SLC46A2: variants seen among roughly 807,000 people sequenced by gnomAD.
SLC46A2 encodes solute carrier family 46 member 2.
A neutral mutation model predicts 33.1 loss-of-function variants in SLC46A2; 25 were observed. The ratio of observed to expected loss-of-function variants is 0.76; its 90% CI spans 0.55 to 1.06. SLC46A2 has a LOEUF of 1.06. Ranked by LOEUF, SLC46A2 falls within the 50% of genes least tolerant of loss-of-function variation. The pLI is 0.00. For missense variants in SLC46A2, 622 were observed against 621.7 expected (o/e 1.00, Z 0.00); for synonymous variants, 254 against 275.9 (o/e 0.92, Z 0.79).
Position 112,887,427 on chromosome 9 carries a change from C to G in SLC46A2, c.1130-14G>C. 1 of 1,597,116 alleles carries G rather than the reference C, an allele frequency of 6.3e-7. No homozygotes were observed. Among genetic ancestry groups the G allele is most frequent in the Non-Finnish European group, 8.5e-7 (1 of 1,173,478 alleles). On this transcript the variant is annotated splice_polypyrimidine_tract_variant and intron_variant, in intron 1 of 3. Transcript: ENST00000374228. ...TGACGGCTCGAGCTGAAAGAGATCA[C>G]ACAAGAACACTCCTTGCTGTAGCCC...
intron 1 of SLC46A2, among the ~76,000 whole-genome samples, chr9:112,887,839 A>G (rs539526495): frequency 6.6e-6 from 1 of 152,106 alleles, no homozygotes; most frequent in African/African-American, 2.4e-5. Context: ...TGCCTCCAGC[A>G]ATGTGTCCCA....
At chr9:112,885,762 A>AC (rs1443967394) in intron 3 of SLC46A2, 1 of 152,134 alleles carries the variant, frequency 6.6e-6, no homozygotes, top group African/African-American at 2.4e-5. Context: ...AATTAATTTC[A>AC]CCTGTCACTT....
chr9:112,883,398 GTC>G lies in SLC46A2; in HGVS notation c.1370+3060_1370+3061del, dbSNP rs369278126. Among the ~76,000 whole-genome samples, 31 of 152,214 alleles carry G rather than the reference GTC, an allele frequency of 2.0e-4. No homozygotes were observed. In the South Asian group the frequency reaches 6.4e-3, roughly 32 times the overall value. ...GACAGTCTGGCTTCCTTCAAATCCT[GTC>G]TCTGCCACTTCCTAGCTGTGTACCC... On this transcript the variant is annotated intron_variant, in intron 3 of 3. Coordinates refer to ENST00000374228, the MANE Select transcript of SLC46A2 (RefSeq NM_033051.4).
chr9:112,883,685 T>C (rs1841610487), intron 3 of SLC46A2, among the ~76,000 whole-genome samples: 1 of 133,364 alleles, frequency 7.5e-6, no homozygotes, highest in Non-Finnish European at 1.5e-5. Flanking sequence ...TTTCTGTTTT[T>C]TTCTTTTTTC....
chr9:112,890,241 G>C lies in SLC46A2; in HGVS notation c.441C>G (p.Gly147=). 6.2e-7 allele frequency: 1 copy of C among 1,613,070 alleles called. No individual in the cohort carries two copies. The highest frequency in any genetic ancestry group is 8.5e-7 in the Non-Finnish European group (1 of 1,179,886). The change falls in exon 1 of 4, where the codon GGC becomes GGG. Residue 147 remains glycine, a synonymous_variant. Transcript: ENST00000374228. The surrounding 1 kb of genome is among the most constrained non-coding windows in gnomAD (Gnocchi z 6.0). ...YGAAALNGLF[G]GFSAFWSGVM... ...CCCCGGACCAGAAGGCGGAGAAGCC[G>C]CCGAATAGCCCGTTCAGCGCCGCCG...
intron 3 of SLC46A2, among the ~76,000 whole-genome samples, chr9:112,881,883 T>C (rs1164830437): frequency 6.6e-6 from 1 of 152,040 alleles, no homozygotes; most frequent in Non-Finnish European, 1.5e-5. Context: ...TTGAGAAGGG[T>C]TAGGAAAATT....
chr9:112,889,781 C>CT lies in SLC46A2; in HGVS notation c.900dup (p.Val301SerfsTer157), dbSNP rs1485205318. Reference sequence around the variant, plus strand: ...AGCACAAAAAGAGGGATCACGTCCACTGTGCCCACCACCGCCAGGTCATAT... The same window carrying CT: ...AGCACAAAAAGAGGGATCACGTCCACTTGTGCCCACCACCGCCAGGTCATAT... On this transcript the variant is annotated frameshift_variant, in exon 1 of 4. Coordinates refer to ENST00000374228, the MANE Select transcript of SLC46A2 (RefSeq NM_033051.4). LOFTEE classifies it high-confidence loss of function. 3.1e-6 allele frequency: 5 copies of CT among 1,614,192 alleles called. No individual in the cohort carries two copies. In the Admixed American group the frequency reaches 8.3e-5, roughly 27 times the overall value.
chr9:112,889,919 T>C lies in SLC46A2; in HGVS notation c.763A>G (p.Thr255Ala), dbSNP rs761309006. The change falls in exon 1 of 4, where the codon ACT becomes GCT. Residue 255 changes from threonine (T) to alanine (A), a missense_variant. Physicochemically the swap from Thr to Ala is moderately conservative, Grantham distance 58. Coordinates refer to ENST00000374228, the MANE Select transcript of SLC46A2 (RefSeq NM_033051.4). Reference sequence around the variant, plus strand: ...TGGTCCAACTGATCAGGATCCAGAGTGCGGTATGTGCCAACCGTGCCAGAC... The same window carrying C: ...TGGTCCAACTGATCAGGATCCAGAGCGCGGTATGTGCCAACCGTGCCAGAC... ...TVSGTVGTYRTLDPDQLDQQY... is the reference protein window; with the variant it reads ...TVSGTVGTYRALDPDQLDQQY... 6.2e-7 allele frequency: 1 copy of C among 1,613,944 alleles called. No individual in the cohort carries two copies. The highest frequency in any genetic ancestry group is 1.3e-5 in the African/African-American group (1 of 74,862).
Position 112,890,569 on chromosome 9 carries a change from G to C in SLC46A2, c.113C>G (p.Ala38Gly), listed in dbSNP as rs528171072. The C allele has an allele frequency of 8.1e-6, 13 of 1,612,866 alleles. No individual in the cohort carries two copies. The African/African-American group carries it at 1.6e-4, about 20-fold the overall frequency. Residue 38 changes from alanine (A) to glycine (G), a missense_variant, in exon 1 of 4, where the codon GCG (alanine) becomes GGG (glycine). Transcript: ENST00000374228. This position sits in a 1 kb window ranked among gnomAD's most constrained non-coding sequence, Gnocchi z 6.0. ...SSQVAASLYD[A>G]GLLLVVKASY... is the part of the protein sequence containing the mutation. ...CGCCTTCACCACGAGGAGTAGCCCC[G>C]CATCGTAGAGGGAGGCAGCCACCTG...
intron 3 of SLC46A2, among the ~76,000 whole-genome samples, chr9:112,881,005 T>C (rs1841569637): frequency 6.6e-6 from 1 of 152,234 alleles, no homozygotes; most frequent in African/African-American, 2.4e-5. Flanking sequence ...CTCCCATCTA[T>C]ATCTCAAGAT....
Position 112,889,822 on chromosome 9 carries a change from AAG to A in SLC46A2, c.858_859del (p.Phe287CysfsTer7). The A allele has an allele frequency of 6.2e-7, 1 of 1,614,172 alleles. No individual in the cohort carries two copies. Among genetic ancestry groups the A allele is most frequent in the Non-Finnish European group, 8.5e-7 (1 of 1,180,028 alleles). ...CAGGTCATATATGATAGCACCCACA[AAG>A]AGCAAGGCAATGGTGGTTTTATGGG... On this transcript the variant is annotated frameshift_variant, in exon 1 of 4. Coordinates refer to ENST00000374228, the MANE Select transcript of SLC46A2 (RefSeq NM_033051.4). LOFTEE classifies it high-confidence loss of function.
intron 1 of SLC46A2, among the ~76,000 whole-genome samples, chr9:112,889,184 C>A (rs573132427): frequency 6.6e-6 from 1 of 152,024 alleles, no homozygotes; most frequent in Non-Finnish European, 1.5e-5. Context: ...CCTCTGCGCT[C>A]GGCCTTTGAA....
Position 112,890,561 on chromosome 9 carries a change from G to GT in SLC46A2, c.120dup (p.Leu41ThrfsTer137). 6.2e-7 allele frequency: 1 copy of GT among 1,613,320 alleles called. No homozygotes were observed. The highest frequency in any genetic ancestry group is 8.5e-7 in the Non-Finnish European group (1 of 1,180,012). On this transcript the variant is annotated frameshift_variant, in exon 1 of 4. Transcript: ENST00000374228. LOFTEE classifies it high-confidence loss of function. This position sits in a 1 kb window ranked among gnomAD's most constrained non-coding sequence, Gnocchi z 6.0. Reference sequence around the variant, plus strand: ...CCGTAGGACGCCTTCACCACGAGGAGTAGCCCCGCATCGTAGAGGGAGGCA... The same window carrying GT: ...CCGTAGGACGCCTTCACCACGAGGAGTTAGCCCCGCATCGTAGAGGGAGGCA...
At chr9:112,883,897 A>G (rs1183265779) in intron 3 of SLC46A2, among the ~76,000 whole-genome samples, 3 of 152,026 alleles carry the variant, frequency 2.0e-5, no homozygotes, top group Non-Finnish European at 4.4e-5. Flanking sequence ...TGGTTTCACT[A>G]TGTTGGCCAG....
At chr9:112,881,244 A>G (rs1200237589) in intron 3 of SLC46A2, among the ~76,000 whole-genome samples, 2 of 152,224 alleles carry the variant, frequency 1.3e-5, no homozygotes, top group Non-Finnish European at 1.5e-5. Flanking sequence ...TCTAAGCTAC[A>G]GCGCAGCACT....
In SLC46A2 at chr9:112,889,995, G is replaced by A. The variant is rs1479947414; in HGVS notation, c.687C>T (p.Val229=). Residue 229 remains valine (V), a synonymous_variant, in exon 1 of 4, where the codon GTC becomes GTT. Transcript: ENST00000374228. ...GGCTGGGTTTGGCCACCGACTCAGG[G>A]ACCTTTAGCACCAAAAGGCTGTAGA... The part of the protein sequence containing the change: ...ALLYSLLVLK[V]PESVAKPSQE... 4 of 1,614,028 alleles carry A rather than the reference G, an allele frequency of 2.5e-6. No individual in the cohort carries two copies. The African/African-American group carries it at 4.0e-5, about 16-fold the overall frequency.
rs111494276 is a variant in SLC46A2 at position 112,890,398 on chromosome 9, C to T, written c.284G>A (p.Gly95Glu). The change falls in exon 1 of 4, where the codon GGG becomes GAG. Residue 95 changes from glycine to glutamate, a missense_variant. Gly to Glu is a moderately conservative substitution (Grantham distance 98). Transcript: ENST00000374228. The surrounding 1 kb of genome is among the most constrained non-coding windows in gnomAD (Gnocchi z 6.0). Reference sequence around the variant, plus strand: ...GTAGCGGTCGCTGAGCCATCCCAGCCCGTAGGCGGACAGCAGGGGGGACAG... The same window carrying T: ...GTAGCGGTCGCTGAGCCATCCCAGCTCGTAGGCGGACAGCAGGGGGGACAG... ...VGLSPLLSAYGLGWLSDRYHR... is the reference protein window; with the variant it reads ...VGLSPLLSAYELGWLSDRYHR... 6 of 1,614,078 alleles carry T rather than the reference C, an allele frequency of 3.7e-6. No homozygotes were observed. In the African/African-American group the frequency reaches 5.3e-5, roughly 14 times the overall value.
chr9:112,886,669 C>A lies in SLC46A2; in HGVS notation c.1214-53G>T, dbSNP rs369874383. 9 of 1,598,854 alleles carry A rather than the reference C, an allele frequency of 5.6e-6. No individual in the cohort carries two copies. The African/African-American group carries it at 8.0e-5, about 14-fold the overall frequency. On this transcript the variant is annotated intron_variant, in intron 2 of 3. Transcript: ENST00000374228. ...AGTGCCTTGCTGTCCCTGCCTCACT[C>A]CCCATTAGCTGAGTCTCTGGAGAGT...
At chr9:112,888,277 CA>C (rs1841671429) in intron 1 of SLC46A2, among the ~76,000 whole-genome samples, 1 of 151,070 alleles carries the variant, frequency 6.6e-6, no homozygotes, top group Non-Finnish European at 1.5e-5. Flanking sequence ...AACTCCATCT[CA>C]AAAACAAAAC....
Sources: allele counts gnomAD v4.1 joint callset (sites outside exome capture counted in the v4.1 genomes callset), GRCh38; gene constraint gnomAD v4.1.1; non-coding constraint Gnocchi (gnomAD v3.1); transcripts MANE v1.5; gene names NCBI Gene and HGNC (gene_info 2026-07-23, HGNC 2026-07-21).